The following ADAM12 variants were observed in gnomAD, a reference collection of about 807,000 sequenced individuals.
ADAM12 encodes the protein disintegrin and metalloproteinase domain-containing protein 12.
Under a neutral mutation model 106.4 loss-of-function variants are expected in ADAM12, and 70 were observed. The observed-to-expected ratio is 0.66, with a 90% CI of 0.54 to 0.80. ADAM12 has a LOEUF of 0.80. ADAM12 is among the 30% of genes least tolerant of loss of function. The probability of loss-of-function intolerance (pLI) is 0.00; values close to 1 mark genes in which losing one functional copy is unlikely to be tolerated. For missense variants in ADAM12, 1,010 were observed against 1,171.9 expected, an observed-to-expected ratio of 0.86 and a Z score of 2.02; for synonymous variants, 420 against 433.5, an observed-to-expected ratio of 0.97 and a Z score of 0.39.
At chr10:126,321,461 A>C (rs1854091402) in intron 2 of ADAM12, among the ~76,000 whole-genome samples, 1 of 152,114 alleles carries the variant, frequency 6.6e-6, no homozygotes, top group Admixed American at 6.5e-5. Flanking sequence ...GTGGGTGGTG[A>C]GTGTTGTTGG....
Position 126,101,140 on chromosome 10 carries a change from A to G in ADAM12, c.843T>C (p.His281=), listed in dbSNP as rs1955658094. ...SVSQDPFTSL[H]EFLDWRKMKL... ...TCATCTTCCTCCAGTCCAGAAATTCATGGAGGCTGGTGAATGGGTCCTGAC... is the reference window on the plus strand; with the variant it reads ...TCATCTTCCTCCAGTCCAGAAATTCGTGGAGGCTGGTGAATGGGTCCTGAC... Residue 281 remains histidine, a synonymous_variant, in exon 9 of 23, where the codon CAT becomes CAC. Coordinates refer to ENST00000448723, the MANE Select transcript of ADAM12 (RefSeq NM_001288973.2). The G allele has an allele frequency of 1.9e-6, 3 of 1,613,998 alleles. No individual in the cohort carries two copies. The highest frequency in any genetic ancestry group is 2.5e-6 in the Non-Finnish European group (3 of 1,179,942).
chr10:126,221,213 G>A lies in ADAM12; in HGVS notation c.260+57702C>T, dbSNP rs145138576. Among the ~76,000 whole-genome samples, 1,283 of 152,036 alleles carry A rather than the reference G, an allele frequency of 8.4e-3. 8 individuals carry two copies. Among genetic ancestry groups the A allele is most frequent in the African/African-American group, 0.019 (790 of 41,472 alleles). On this transcript the variant is annotated intron_variant, in intron 3 of 22. Coordinates refer to ENST00000448723, the MANE Select transcript of ADAM12 (RefSeq NM_001288973.2). The stretch of plus-strand genomic sequence containing the variant: ...AGCCTGGCCAATATGGTGAAACCCC[G>A]TCTCTACTAAAAATACAAAAATTAG...
At chr10:126,139,814 G>A (rs1485652299) in intron 4 of ADAM12, among the ~76,000 whole-genome samples, 2 of 152,180 alleles carry the variant, frequency 1.3e-5, no homozygotes, top group Non-Finnish European at 2.9e-5. Context: ...CAGGCCATCT[G>A]GGAGGGCAAA....
At chr10:126,146,026 AT>A (rs1956620834) in intron 4 of ADAM12, among the ~76,000 whole-genome samples, 1 of 152,250 alleles carries the variant, frequency 6.6e-6, no homozygotes, top group African/African-American at 2.4e-5. Context: ...TAGAAGGATC[AT>A]TCAGGCCGGT....
At chr10:126,172,790 A>G (rs1240259062) in intron 3 of ADAM12, among the ~76,000 whole-genome samples, 1 of 152,258 alleles carries the variant, frequency 6.6e-6, no homozygotes, top group Non-Finnish European at 1.5e-5. Context: ...TCATTCTACT[A>G]TAAAGACACA....
At chr10:126,344,834 T>C (rs1177535024) in intron 1 of ADAM12, among the ~76,000 whole-genome samples, 1 of 152,192 alleles carries the variant, frequency 6.6e-6, no homozygotes, top group African/African-American at 2.4e-5. Context: ...TGTCTGTTAT[T>C]GGTGTATAAG....
intron 16 of ADAM12, among the ~76,000 whole-genome samples, chr10:126,046,454 T>G (rs1479788972): frequency 6.6e-6 from 1 of 152,218 alleles, no homozygotes; most frequent in Non-Finnish European, 1.5e-5. Flanking sequence ...GAGTTTTGTT[T>G]GGAGCTTGTA....
intron 5 of ADAM12, among the ~76,000 whole-genome samples, chr10:126,134,901 T>C (rs1278331): frequency 0.53 from 80,122 of 151,520 alleles, 22,829 homozygotes; most frequent in African/African-American, 0.76. Flanking sequence ...AGTTCACAAA[T>C]TCGATAAGCA....
At chr10:126,336,221 GTTCTAGCTTTGCAATTT>G (rs1463622562) in intron 1 of ADAM12, among the ~76,000 whole-genome samples, 1 of 152,162 alleles carries the variant, frequency 6.6e-6, no homozygotes, top group African/African-American at 2.4e-5. Flanking sequence ...GAAACCATCT[GTTCTAGCTTTGCAATTT>G]TTCTGTCACT....
intron 1 of ADAM12, among the ~76,000 whole-genome samples, chr10:126,343,699 C>T (rs6597762): frequency 0.23 from 34,732 of 152,018 alleles, 4,349 homozygotes; most frequent in African/African-American, 0.32. Flanking sequence ...TGTTGTTTCC[C>T]GACTTTTTAA....
chr10:126,112,844 T>C (rs185728438), intron 6 of ADAM12, among the ~76,000 whole-genome samples: 6 of 151,664 alleles, frequency 4.0e-5, no homozygotes, highest in Admixed American at 6.6e-5. Context: ...CTCCTGAAAC[T>C]CATATTCCTG....
intron 10 of ADAM12, among the ~76,000 whole-genome samples, chr10:126,098,102 G>T (rs1327686362): frequency 6.6e-6 from 1 of 152,232 alleles, no homozygotes; most frequent in Admixed American, 6.5e-5. Context: ...CAACCCCAAT[G>T]CCCTGGCTCA....
At chr10:126,284,273 CAGTGAGCTGAGATCACGTCACT>C (rs1426674828) in intron 2 of ADAM12, among the ~76,000 whole-genome samples, 3 of 132,610 alleles carry the variant, frequency 2.3e-5, no homozygotes, top group African/African-American at 8.7e-5. Context: ...GCAGAGGTTG[CAGTGAGCTGAGATCACGTCACT>C]GCACTCCAGC....
intron 3 of ADAM12, among the ~76,000 whole-genome samples, chr10:126,155,784 C>A (rs1674916): frequency 9.9e-5 from 15 of 151,814 alleles, no homozygotes; most frequent in African/African-American, 3.1e-4. Context: ...CTGGCTCCCC[C>A]GCAGGTGAGA....
chr10:126,124,890 C>T (rs1259294005), intron 5 of ADAM12, among the ~76,000 whole-genome samples: 18 of 104,408 alleles, frequency 1.7e-4, no homozygotes, highest in Admixed American at 7.5e-4. Context: ...AGTGAGACAC[C>T]GTCTCAAAAA....
intron 1 of ADAM12, among the ~76,000 whole-genome samples, chr10:126,377,372 G>C (rs1564765145): frequency 6.6e-6 from 1 of 152,210 alleles, no homozygotes; most frequent in Non-Finnish European, 1.5e-5. Context: ...TCCCAAAGCT[G>C]AAGAGCCCGG....
intron 3 of ADAM12, among the ~76,000 whole-genome samples, chr10:126,259,468 A>G (rs1394236302): frequency 6.6e-6 from 1 of 152,210 alleles, no homozygotes; most frequent in Non-Finnish European, 1.5e-5. Context: ...GAGCGATCAC[A>G]TGCTTTCTTA....
intron 21 of ADAM12, among the ~76,000 whole-genome samples, chr10:126,028,703 T>C (rs1953921507): frequency 6.6e-6 from 1 of 152,000 alleles, no homozygotes; most frequent in Non-Finnish European, 1.5e-5. Flanking sequence ...ATAAAAACCT[T>C]AGGAGAAAAT....
chr10:126,055,940 T>G (rs1954621039), intron 14 of ADAM12, among the ~76,000 whole-genome samples: 1 of 152,178 alleles, frequency 6.6e-6, no homozygotes, highest in Admixed American at 6.5e-5. Flanking sequence ...GCAGCAGATA[T>G]TTGTATGCTT....
Sources: gnomAD v4.1 joint callset for allele counts (sites outside exome capture counted in the v4.1 genomes callset) on GRCh38, gnomAD v4.1.1 for gene constraint, MANE v1.5 for transcripts, NCBI Gene and HGNC (gene_info 2026-07-23, HGNC 2026-07-21) for gene names.